The following ZSWIM6 variants were observed in gnomAD, a reference collection of about 807,000 sequenced individuals.
ZSWIM6 encodes the protein zinc finger SWIM domain-containing protein 6.
In ZSWIM6, 9 loss-of-function variants were observed where a neutral mutation model predicts 113.2. The ratio of observed to expected loss-of-function variants is 0.08; its 90% CI spans 0.05 to 0.14. ZSWIM6 has a LOEUF of 0.14. Ranked by LOEUF, ZSWIM6 falls within the 10% of genes least tolerant of loss-of-function variation. ZSWIM6 has a pLI of 1.00. For synonymous variants in ZSWIM6, 611 were observed against 606.5 expected, an observed-to-expected ratio of 1.01 and a Z score of -0.11; for missense variants, 1,162 against 1,552.2, an observed-to-expected ratio of 0.75 and a Z score of 4.22.
chr5:61,339,730 A>G (rs1579939432), intron 1 of ZSWIM6, among the ~76,000 whole-genome samples: 2 of 152,252 alleles, frequency 1.3e-5, no homozygotes, highest in East Asian at 3.8e-4. Flanking sequence ...GGTAGTAAAC[A>G]GTATGAAACC....
At chr5:61,471,170 C>T (rs1747561337) in intron 1 of ZSWIM6, among the ~76,000 whole-genome samples, 1 of 152,204 alleles carries the variant, frequency 6.6e-6, no homozygotes, top group Admixed American at 6.5e-5. Flanking sequence ...GAGCCCAGGG[C>T]TTCACTGTGT....
chr5:61,439,410 T>C (rs950151159), intron 1 of ZSWIM6, among the ~76,000 whole-genome samples: 37 of 152,314 alleles, frequency 2.4e-4, no homozygotes, highest in Non-Finnish European at 4.9e-4. Context: ...AACTAAAATA[T>C]TTTATGTGCA....
At chr5:61,402,995 G>T (rs1338014518) in intron 1 of ZSWIM6, among the ~76,000 whole-genome samples, 1 of 152,188 alleles carries the variant, frequency 6.6e-6, no homozygotes, top group Non-Finnish European at 1.5e-5. Context: ...AGGTAATAAG[G>T]TGGTAAATGC....
At chr5:61,414,188 T>G (rs918018076) in intron 1 of ZSWIM6, among the ~76,000 whole-genome samples, 1 of 151,958 alleles carries the variant, frequency 6.6e-6, no homozygotes, top group Non-Finnish European at 1.5e-5. Flanking sequence ...AGGTGTTCAG[T>G]GAAGAGGGTA....
At chr5:61,496,217 C>T (rs954964050) in intron 4 of ZSWIM6, among the ~76,000 whole-genome samples, 10 of 152,068 alleles carry the variant, frequency 6.6e-5, no homozygotes, top group African/African-American at 2.2e-4. Context: ...TTCAGTCCAG[C>T]GTAAAGACCA....
At chr5:61,496,365 A>G (rs186103652) in intron 4 of ZSWIM6, among the ~76,000 whole-genome samples, 20 of 152,292 alleles carry the variant, frequency 1.3e-4, no homozygotes, top group African/African-American at 4.8e-4. Context: ...AATCTCACGT[A>G]GAAGTAACAG....
rs763148543 is a variant in ZSWIM6 at position 61,543,341 on chromosome 5, A to G, written c.2786-114A>G. The G allele has an allele frequency of 1.8e-4, 226 of 1,267,170 alleles. No homozygotes were observed. The highest frequency in any genetic ancestry group is 2.3e-4 in the Non-Finnish European group (217 of 943,974). 78.5% of individuals were successfully genotyped at this position (1,267,170 alleles called of 1,614,324 possible). On this transcript the variant is annotated intron_variant, in intron 13 of 13. Transcript: ENST00000252744. This position sits in a 1 kb window ranked among gnomAD's most constrained non-coding sequence, Gnocchi z 4.3. The stretch of plus-strand genomic sequence containing the variant: ...ATTACTTTACAGGATTTTCTAGCCT[A>G]GCTCATGTCCTATGATGGTTAACAA...
Position 61,490,760 on chromosome 5 carries a change from GTTA to G in ZSWIM6, c.1034-20_1034-18del, listed in dbSNP as rs768607462. The G allele has an allele frequency of 1.9e-6, 3 of 1,542,204 alleles. No homozygotes were observed. The East Asian group carries it at 7.5e-5, about 38-fold the overall frequency. Reference sequence around the variant, plus strand: ...CACAGAGTTTTTATCTAGCCTGTGTGTTATTATTTTTCTTTCTATTTCTAGGTG... The same window carrying G: ...CACAGAGTTTTTATCTAGCCTGTGTGTTATTTTTCTTTCTATTTCTAGGTG... On this transcript the variant is annotated intron_variant, in intron 2 of 13. Coordinates refer to ENST00000252744, the MANE Select transcript of ZSWIM6 (RefSeq NM_020928.2).
intron 4 of ZSWIM6, among the ~76,000 whole-genome samples, chr5:61,513,630 T>G (rs888354530): frequency 3.3e-5 from 5 of 152,114 alleles, no homozygotes; most frequent in Non-Finnish European, 7.4e-5. Context: ...AGGTTCATGA[T>G]CCACTTTGAG....
chr5:61,488,773 T>G (rs1748097112), intron 2 of ZSWIM6, among the ~76,000 whole-genome samples: 1 of 152,006 alleles, frequency 6.6e-6, no homozygotes, highest in Admixed American at 6.6e-5. Context: ...ATACTTTTAT[T>G]CTCCTTGATT....
intron 1 of ZSWIM6, among the ~76,000 whole-genome samples, chr5:61,353,166 G>C (rs1181630681): frequency 2.0e-5 from 3 of 152,176 alleles, no homozygotes; most frequent in African/African-American, 7.2e-5. Context: ...TGGTCTTGGA[G>C]AAACCTGAAA....
chr5:61,523,437 C>T (rs1749186795), intron 5 of ZSWIM6, among the ~76,000 whole-genome samples: 1 of 151,980 alleles, frequency 6.6e-6, no homozygotes, highest in Non-Finnish European at 1.5e-5. Context: ...TTTAATATAC[C>T]AAAAGTATAG....
chr5:61,445,853 T>C (rs1024713385), intron 1 of ZSWIM6, among the ~76,000 whole-genome samples: 1 of 152,170 alleles, frequency 6.6e-6, no homozygotes, highest in African/African-American at 2.4e-5. Context: ...GACAGTGTTA[T>C]CCAGAGCCTA....
chr5:61,484,680 G>A (rs747657918), intron 2 of ZSWIM6, among the ~76,000 whole-genome samples: 12 of 152,246 alleles, frequency 7.9e-5, no homozygotes, highest in African/African-American at 2.2e-4. Context: ...AGTTAACTTC[G>A]CATCATTGTG....
chr5:61,352,868 T>G (rs1274351719), intron 1 of ZSWIM6, among the ~76,000 whole-genome samples: 4 of 152,182 alleles, frequency 2.6e-5, no homozygotes, highest in Non-Finnish European at 5.9e-5. Flanking sequence ...CGAGACTTTC[T>G]TTTGCTCACA....
chr5:61,535,097 G>A lies in ZSWIM6; in HGVS notation c.2246-387G>A, dbSNP rs200125962. 9.9e-5 allele frequency among the ~76,000 whole-genome samples: 15 copies of A among 152,238 alleles called. No individual in the cohort carries two copies. In the East Asian group the frequency reaches 2.9e-3, roughly 29 times the overall value. Reference sequence around the variant, plus strand: ...GTCCAGGGGTAGTTTCCATAGTTAAGCTGTGGTGTCATCTGTGCATTTACA... The same window carrying A: ...GTCCAGGGGTAGTTTCCATAGTTAAACTGTGGTGTCATCTGTGCATTTACA... On this transcript the variant is annotated intron_variant, in intron 9 of 13. Coordinates refer to ENST00000252744, the MANE Select transcript of ZSWIM6 (RefSeq NM_020928.2).
chr5:61,423,439 G>T (rs1746396615), intron 1 of ZSWIM6, among the ~76,000 whole-genome samples: 1 of 151,558 alleles, frequency 6.6e-6, no homozygotes, highest in African/African-American at 2.4e-5. Flanking sequence ...AAACAAAACG[G>T]CAACAACAAA....
intron 2 of ZSWIM6, among the ~76,000 whole-genome samples, chr5:61,489,134 T>G (rs886602525): frequency 6.6e-6 from 1 of 152,066 alleles, no homozygotes; most frequent in African/African-American, 2.4e-5. Flanking sequence ...ACCATGTTTT[T>G]TCCTGCCTAA....
Position 61,472,997 on chromosome 5 carries a change from T to C in ZSWIM6, c.993T>C (p.Asp331=). ...TGCCAACTGCTCAAAAATTAGCAGA[T>C]GAAATTCTTTCCCAAAATTCAGAAA... ...EVLPTAQKLA[D]EILSQNSEIN... The change falls in exon 2 of 14, where the codon GAT becomes GAC. Residue 331 remains aspartate (D), a synonymous_variant. Transcript: ENST00000252744. The surrounding 1 kb of genome is among the most constrained non-coding windows in gnomAD (Gnocchi z 4.1). The C allele has an allele frequency of 1.3e-6, 2 of 1,538,168 alleles. No individual in the cohort carries two copies. The highest frequency in any genetic ancestry group is 1.2e-5 in the South Asian group (1 of 83,056).
Sources: gnomAD v4.1 joint callset for allele counts (sites outside exome capture counted in the v4.1 genomes callset) on GRCh38, gnomAD v4.1.1 for gene constraint, Gnocchi (gnomAD v3.1) non-coding constraint, MANE v1.5 for transcripts, NCBI Gene and HGNC (gene_info 2026-07-23, HGNC 2026-07-21) for gene names.